Variants in TBC1D8B observed in about 807,000 individuals in gnomAD.
TBC1D8B encodes TBC1 domain family member 8B.
In TBC1D8B, 75 loss-of-function variants were observed where a neutral mutation model predicts 82.9. The ratio of observed to expected loss-of-function variants is 0.90; its 90% CI spans 0.75 to 1.10. The LOEUF (loss-of-function observed/expected upper bound fraction) is 1.10. Among genes scored for constraint, TBC1D8B ranks in the 50% least tolerant of loss-of-function variants. TBC1D8B has a pLI of 0.00. For missense variants in TBC1D8B, 794 were observed against 796.9 expected, an observed-to-expected ratio of 1.00 and a Z score of 0.04; for synonymous variants, 276 against 276.8, an observed-to-expected ratio of 1.00 and a Z score of 0.03.
chrX:106,841,565 G>A (rs1054724360), intron 10 of TBC1D8B, among the ~76,000 whole-genome samples: 1 of 111,887 alleles, frequency 8.9e-6, no homozygotes, highest in African/African-American at 3.2e-5. Context: ...TATTTTATAG[G>A]CAGTGGAGGA....
intron 11 of TBC1D8B, among the ~76,000 whole-genome samples, chrX:106,848,927 G>A (rs1033197268): frequency 7.5e-5 from 8 of 107,043 alleles, no homozygotes; most frequent in African/African-American, 2.4e-4. Flanking sequence ...CCGCCACCAC[G>A]CCTGGCTAAT....
In TBC1D8B at chrX:106,802,720, G is replaced by A; in HGVS notation, c.-134G>A. The A allele has an allele frequency of 3.1e-6, 3 of 953,381 alleles. No individual in the cohort carries two copies. In the South Asian group the frequency reaches 7.0e-5, roughly 22 times the overall value. The allele number at this position is 953,381 out of a possible 1,213,427, so 78.6% of individuals were successfully genotyped here. ...GAGAGAAGGGAGGGTTGGGGGAAGT[G>A]TGGAAAACCTGAACCTGAGCTGCTG... On this transcript the variant is annotated 5_prime_UTR_variant, in exon 1 of 21. The change creates a new upstream start codon in the 5' untranslated region. Transcript: ENST00000357242.
At chrX:106,871,033 C>T (rs1263186147) in intron 20 of TBC1D8B, among the ~76,000 whole-genome samples, 1 of 111,287 alleles carries the variant, frequency 9.0e-6, no homozygotes. Flanking sequence ...AATTCTTCTG[C>T]TGTGACATGT....
chrX:106,846,183 C>T (rs1408157416), intron 10 of TBC1D8B, among the ~76,000 whole-genome samples: 1 of 101,951 alleles, frequency 9.8e-6, no homozygotes, highest in Admixed American at 1.1e-4. Flanking sequence ...TCACTGCAAC[C>T]TCCACCTCCC....
At position 106,854,275 on chromosome X, in the gene TBC1D8B, G is replaced by A; in HGVS notation, c.2331G>A (p.Glu777=). ...RNRLYVIQTL[E]ETTKQNVLRV... is the part of the protein sequence containing the mutation. Reference sequence around the variant, plus strand: ...GGTTGTATGTGATACAGACCCTAGAGGAAACAACAAAACAGAATGTGGTAA... The same window carrying A: ...GGTTGTATGTGATACAGACCCTAGAAGAAACAACAAAACAGAATGTGGTAA... The change falls in exon 14 of 21, where the codon GAG becomes GAA. Residue 777 remains glutamate (E), a synonymous_variant. Transcript: ENST00000357242. The A allele has an allele frequency of 8.5e-7, 1 of 1,182,309 alleles. No homozygotes were observed. The highest frequency in any genetic ancestry group is 1.1e-6 in the Non-Finnish European group (1 of 882,516).
intron 1 of TBC1D8B, among the ~76,000 whole-genome samples, chrX:106,809,840 C>T (rs755977789): frequency 2.9e-5 from 3 of 102,978 alleles, no homozygotes; most frequent in South Asian, 9.5e-4. Flanking sequence ...GCCGAGATCA[C>T]GCCACCGCAC....
intron 14 of TBC1D8B, among the ~76,000 whole-genome samples, chrX:106,857,670 G>T (rs1002184534): frequency 1.8e-5 from 2 of 111,660 alleles, no homozygotes; most frequent in African/African-American, 6.5e-5. Flanking sequence ...GCAGTATTTG[G>T]TTTTCTTTTC....
chrX:106,818,597 G>T, intron 1 of TBC1D8B, 66 bp from the exon 2 acceptor site: 1 of 793,692 alleles, frequency 1.3e-6, no homozygotes, highest in Non-Finnish European at 1.8e-6. Flanking sequence ...TTTGTTATAT[G>T]AAGTGATACA....
rs768008818 is a variant in TBC1D8B at position 106,820,740 on chromosome X, A to T, written c.242-137A>T. 8 of 443,217 alleles carry T rather than the reference A, an allele frequency of 1.8e-5. No homozygotes were observed. In the East Asian group the frequency reaches 3.3e-4, roughly 18 times the overall value. 36.5% of individuals were successfully genotyped at this position (443,217 alleles called of 1,213,427 possible). A position where few individuals can be genotyped will look rare whatever the true frequency, so the allele number is the denominator to read the frequency against. ...AGAGGGATAAAGTAGGAATAAATGTAAATATTTTACTCCTTTATGACCATC... is the reference window on the plus strand; with the variant it reads ...AGAGGGATAAAGTAGGAATAAATGTTAATATTTTACTCCTTTATGACCATC... On this transcript the variant is annotated intron_variant, in intron 2 of 20. Coordinates refer to ENST00000357242, the MANE Select transcript of TBC1D8B (RefSeq NM_017752.3).
rs772891964 is a variant in TBC1D8B, at chrX:106,827,409, G to A, written c.1203+72G>A. The A allele has an allele frequency of 4.4e-5, 48 of 1,093,616 alleles. No homozygotes were observed. In the South Asian group the frequency reaches 8.7e-4, roughly 20 times the overall value. The allele number at this position is 1,093,616 out of a possible 1,213,427, so 90.1% of individuals were successfully genotyped here. On this transcript the variant is annotated intron_variant, in intron 7 of 20. Transcript: ENST00000357242. ...GTTTAGTGTAGCCCATTCTTCAAGA[G>A]GAATTCATAGTACCTTTCCTATTTA...
chrX:106,868,409 A>G lies in TBC1D8B; in HGVS notation c.2745A>G (p.Lys915=). ...LHIPPAYTEV[K]SKDASKGDEL... ...TGTTTTCAGCTTACACTGAAGTGAAATCTAAGGATGCTTCAAAAGGAGATG... is the reference window on the plus strand; with the variant it reads ...TGTTTTCAGCTTACACTGAAGTGAAGTCTAAGGATGCTTCAAAAGGAGATG... Residue 915 remains lysine, a synonymous_variant, in exon 18 of 21, where the codon AAA becomes AAG. Transcript: ENST00000357242. The G allele has an allele frequency of 1.0e-6, 1 of 1,002,673 alleles. No individual in the cohort carries two copies. Among genetic ancestry groups the G allele is most frequent in the East Asian group, 3.7e-5 (1 of 27,098 alleles). 82.6% of individuals were successfully genotyped at this position (1,002,673 alleles called of 1,213,427 possible).
In TBC1D8B at chrX:106,875,787, C is replaced by T. The variant is rs1391515968; in HGVS notation, c.*1822C>T. ...ACAAAGAAAGGTACTTTCTTAAGAG[C>T]ATATATGTTATTAATATTTGATATG... On this transcript the variant is annotated 3_prime_UTR_variant, in exon 21 of 21. Transcript: ENST00000357242. The T allele has an allele frequency of 8.9e-6, 1 of 111,902 alleles. No individual in the cohort carries two copies. Among genetic ancestry groups the T allele is most frequent in the African/African-American group, 3.2e-5 (1 of 30,802 alleles). 9.2% of individuals were successfully genotyped at this position (111,902 alleles called of 1,213,427 possible).
At chrX:106,806,525 A>T (rs1223557154) in intron 1 of TBC1D8B, among the ~76,000 whole-genome samples, 4 of 111,776 alleles carry the variant, frequency 3.6e-5, no homozygotes, top group Non-Finnish European at 5.6e-5. Context: ...GAACTACTAC[A>T]CGAATGGAGC....
At chrX:106,837,285 A>G (rs1266607502) in intron 7 of TBC1D8B, among the ~76,000 whole-genome samples, 2 of 112,085 alleles carry the variant, frequency 1.8e-5, no homozygotes, top group African/African-American at 3.2e-5. Flanking sequence ...ATATTTGCCA[A>G]TTATATGTCT....
In TBC1D8B at chrX:106,826,242, T is replaced by C; in HGVS notation, c.1035+5T>C. 1 of 1,201,310 alleles carries C rather than the reference T, an allele frequency of 8.3e-7. No homozygotes were observed. The highest frequency in any genetic ancestry group is 1.7e-5 in the African/African-American group (1 of 57,570). On this transcript the variant is annotated splice_donor_5th_base_variant and intron_variant, in intron 6 of 20. Transcript: ENST00000357242. ...GTAATCATTCCACTACGAGAGGTAA[T>C]GTAAATTTGGTTACATATCAGTTTT...
Position 106,820,892 on chromosome X carries a change from A to G in TBC1D8B, c.257A>G (p.Glu86Gly). 8.4e-7 allele frequency: 1 copy of G among 1,184,921 alleles called. No homozygotes were observed. Among genetic ancestry groups the G allele is most frequent in the Non-Finnish European group, 1.1e-6 (1 of 881,736 alleles). The change falls in exon 3 of 21, where the codon GAA (glutamate) becomes GGA (glycine). Residue 86 changes from glutamate (E) to glycine (G), a missense_variant. By Grantham distance (98) the Glu-to-Gly change is moderately conservative (BLOSUM62 -2). Coordinates refer to ENST00000357242, the MANE Select transcript of TBC1D8B (RefSeq NM_017752.3). ...TATTAATCAGGAGCCAACAGAGAAG[A>G]AATAACCAAGCATTGGGATTGGTTG... ...LSIACGANREEITKHWDWLEQ... is the reference protein window; with the variant it reads ...LSIACGANREGITKHWDWLEQ...
intron 12 of TBC1D8B, among the ~76,000 whole-genome samples, chrX:106,852,986 T>A (rs1932622833): frequency 9.0e-6 from 1 of 110,824 alleles, no homozygotes; most frequent in Non-Finnish European, 1.9e-5. Flanking sequence ...TTGATGGGGA[T>A]GGCATTGAAT....
At chrX:106,866,992 T>G (rs181485170) in intron 17 of TBC1D8B, 130 bp downstream of exon 17, 5 of 421,127 alleles carry the variant, frequency 1.2e-5, no homozygotes, top group African/African-American at 5.1e-5. Context: ...ACTGTGGCCC[T>G]CAAATTATAT....
rs775348092 is a variant in TBC1D8B, at chrX:106,851,223, C to T, written c.2123+913C>T. On this transcript the variant is annotated intron_variant, in intron 12 of 20. Transcript: ENST00000357242. Reference sequence around the variant, plus strand: ...TGGCCAACATGGCAAAACCTCGTCTCGACTAAAAATACAAAAATTAGCCAG... The same window carrying T: ...TGGCCAACATGGCAAAACCTCGTCTTGACTAAAAATACAAAAATTAGCCAG... Among the ~76,000 whole-genome samples, 131 of 111,708 alleles carry T rather than the reference C, an allele frequency of 1.2e-3. 1 individual carries two copies. In the Middle Eastern group the frequency reaches 0.018, roughly 16 times the overall value.
Sources: gnomAD v4.1 joint callset for allele counts (sites outside exome capture counted in the v4.1 genomes callset) on GRCh38, gnomAD v4.1.1 for gene constraint, MANE v1.5 for transcripts, NCBI Gene and HGNC (gene_info 2026-07-23, HGNC 2026-07-21) for gene names.